The following PIN4 variants were observed in gnomAD, a reference collection of about 807,000 sequenced individuals.
PIN4 encodes the protein peptidylprolyl cis/trans isomerase, NIMA-interacting 4, also known as peptidyl-prolyl cis-trans isomerase NIMA-interacting 4.
PIN4 carries 3 observed loss-of-function variants against 8.3 expected under a neutral mutation model. The observed-to-expected ratio is 0.36, with a 90% CI of 0.16 to 0.93. PIN4 has a LOEUF of 0.93. Ranked by LOEUF, PIN4 falls within the 40% of genes least tolerant of loss-of-function variation. The pLI, the probability that PIN4 is intolerant of heterozygous loss-of-function variation, is 0.44. For missense variants in PIN4, 75 were observed against 100.6 expected, an observed-to-expected ratio of 0.75 and a Z score of 1.09; for synonymous variants, 18 against 32.5, an observed-to-expected ratio of 0.55 and a Z score of 1.52.
At chrX:72,244,822 T>A (rs910221341) in intron 3 of PIN4, among the ~76,000 whole-genome samples, 1 of 109,600 alleles carries the variant, frequency 9.1e-6, no homozygotes, top group Admixed American at 9.8e-5. Context: ...GGCTCACACC[T>A]GTAATGCCAG....
chrX:72,190,850 G>T (rs1380411478), intron 2 of PIN4, among the ~76,000 whole-genome samples: 1 of 108,150 alleles, frequency 9.2e-6, no homozygotes, highest in Non-Finnish European at 1.9e-5. Context: ...CTACTCGGGA[G>T]GCTGAGGCAG....
At chrX:72,185,866 G>A (rs909896516) in intron 1 of PIN4, among the ~76,000 whole-genome samples, 1 of 112,506 alleles carries the variant, frequency 8.9e-6, no homozygotes, top group Non-Finnish European at 1.9e-5. Flanking sequence ...TACTGGAATT[G>A]TGATGCTTGA....
chrX:72,229,651 C>A (rs948323620), intron 3 of PIN4, among the ~76,000 whole-genome samples: 1 of 111,454 alleles, frequency 9.0e-6, no homozygotes, highest in Non-Finnish European at 1.9e-5. Context: ...TGGACTGGAA[C>A]CTGTACCCTA....
downstream of PIN4, among the ~76,000 whole-genome samples, chrX:72,201,183 CAA>C (rs200719103): frequency 0.026 from 2,899 of 110,962 alleles, 100 homozygotes; most frequent in African/African-American, 0.088. Context: ...GCCTGGGTGA[CAA>C]GAGCGAGACC....
chrX:72,240,563 C>G (rs1307150361), intron 3 of PIN4, among the ~76,000 whole-genome samples: 2 of 111,093 alleles, frequency 1.8e-5, no homozygotes, highest in Admixed American at 1.9e-4. Flanking sequence ...AATCCCAGCA[C>G]TTTGGGAGGC....
chrX:72,262,424 T>A (rs144031082), intron 3 of PIN4, among the ~76,000 whole-genome samples: 8,178 of 111,748 alleles, frequency 0.073, 485 homozygotes, highest in East Asian at 0.48. Context: ...ACCTTCTCAC[T>A]TCCTGTGGGC....
At chrX:72,215,488 A>G (rs940362630) in intron 3 of PIN4, among the ~76,000 whole-genome samples, 8 of 112,053 alleles carry the variant, frequency 7.1e-5, no homozygotes, top group Non-Finnish European at 1.5e-4. Context: ...TTTGAAATGT[A>G]TCCTAAAAAA....
At chrX:72,199,985 G>A (rs1355359430), downstream of PIN4, among the ~76,000 whole-genome samples, 1 of 111,219 alleles carries the variant, frequency 9.0e-6, no homozygotes, top group Admixed American at 9.6e-5. Flanking sequence ...GGCCATCGTG[G>A]TAGAATCCTG....
chrX:72,196,709 A>G (rs1422133990), intron 2 of PIN4, 76 bp from the exon 3 acceptor site: 1 of 895,589 alleles, frequency 1.1e-6, no homozygotes, highest in East Asian at 3.3e-5. Flanking sequence ...GGTGGGGGTA[A>G]TCCAAATGTA....
chrX:72,187,951 A>G (rs1448409151), intron 2 of PIN4, among the ~76,000 whole-genome samples: 1 of 112,473 alleles, frequency 8.9e-6, no homozygotes, highest in Non-Finnish European at 1.9e-5. Flanking sequence ...AGCCTAAAAA[A>G]GAGAGATCAT....
chrX:72,204,735 T>G (rs373993536), intron 3 of PIN4: 6 of 190,705 alleles, frequency 3.1e-5, no homozygotes, highest in South Asian at 1.8e-4. Context: ...AGAGTAAAAT[T>G]AAGAATGACC....
chrX:72,210,411 T>C (rs759537411), intron 3 of PIN4, among the ~76,000 whole-genome samples: 4 of 110,875 alleles, frequency 3.6e-5, no homozygotes, highest in Admixed American at 2.9e-4. Flanking sequence ...ACTCCCACTA[T>C]TGATGGGAAT....
intron 3 of PIN4, among the ~76,000 whole-genome samples, chrX:72,219,414 C>T (rs1388997438): frequency 1.4e-4 from 14 of 103,063 alleles, no homozygotes; most frequent in Non-Finnish European, 2.0e-4. Context: ...ATTAGCCGGG[C>T]GTGGTGGCCT....
chrX:72,263,181 G>T (rs755277424), exon 4 of PIN4: 41 of 122,872 alleles, frequency 3.3e-4, no homozygotes, highest in Non-Finnish European at 6.4e-4. Context: ...ATTCTATGAT[G>T]GGAAGAAGAG....
chrX:72,222,684 G>A (rs1309006373), intron 3 of PIN4, among the ~76,000 whole-genome samples: 6 of 99,674 alleles, frequency 6.0e-5, no homozygotes, highest in East Asian at 3.4e-4. Flanking sequence ...TGCAACCTCC[G>A]CCTCCCAGGT....
At chrX:72,182,472 A>G (rs2042678809) in intron 1 of PIN4, among the ~76,000 whole-genome samples, 1 of 110,058 alleles carries the variant, frequency 9.1e-6, no homozygotes, top group Non-Finnish European at 1.9e-5. Context: ...TGAACTCGGG[A>G]GGCAGAGGTT....
chrX:72,228,264 C>T (rs1023216536), intron 3 of PIN4, among the ~76,000 whole-genome samples: 2 of 112,230 alleles, frequency 1.8e-5, no homozygotes. Context: ...TAAAAATGGC[C>T]TTGCTGAGGA....
intron 3 of PIN4, among the ~76,000 whole-genome samples, chrX:72,242,343 A>C (rs1602457922): frequency 9.0e-6 from 1 of 111,356 alleles, no homozygotes; most frequent in East Asian, 2.8e-4. Flanking sequence ...TAAACTCCCC[A>C]GCTCTGGCTG....
At chrX:72,182,933 A>T (rs1439526456) in intron 1 of PIN4, among the ~76,000 whole-genome samples, 2 of 112,126 alleles carry the variant, frequency 1.8e-5, no homozygotes, top group Non-Finnish European at 3.8e-5. Context: ...GCTAAGAAGG[A>T]CAGTTAAGGA....
Sources: gnomAD v4.1 joint callset for allele counts (sites outside exome capture counted in the v4.1 genomes callset) on GRCh38, gnomAD v4.1.1 for gene constraint, MANE v1.5 for transcripts, NCBI Gene and HGNC (gene_info 2026-07-23, HGNC 2026-07-21) for gene names.